MMP16: variants seen among roughly 807,000 people sequenced by gnomAD.
MMP16 encodes matrix metalloproteinase-16.
In MMP16, 12 loss-of-function variants were observed where a neutral mutation model predicts 67.8. That is an observed-to-expected ratio of 0.18 (90% CI 0.11 to 0.29). The LOEUF (loss-of-function observed/expected upper bound fraction) is 0.29, where lower values mean the gene tolerates loss of function less well. Ranked by LOEUF, MMP16 falls within the 10% of genes least tolerant of loss-of-function variation. The probability of loss-of-function intolerance (pLI) is 1.00; values close to 1 mark genes in which losing one functional copy is unlikely to be tolerated. For synonymous variants in MMP16, 249 were observed against 255.9 expected (o/e 0.97, Z 0.26); for missense variants, 475 against 765.7 (o/e 0.62, Z 4.48).
At chr8:88,249,773 G>C (rs1022465508) in intron 1 of MMP16, among the ~76,000 whole-genome samples, 2 of 152,020 alleles carry the variant, frequency 1.3e-5, no homozygotes, top group Non-Finnish European at 2.9e-5. Flanking sequence ...AGACTGCAAG[G>C]GTAGAGGAAA....
intron 1 of MMP16, among the ~76,000 whole-genome samples, chr8:88,307,191 T>C (rs1318402079): frequency 6.6e-6 from 1 of 152,122 alleles, no homozygotes; most frequent in East Asian, 1.9e-4. Flanking sequence ...TGCCCCATAC[T>C]TTCCTGGTGC....
intron 6 of MMP16, among the ~76,000 whole-genome samples, chr8:88,103,683 G>C (rs1379947101): frequency 1.3e-5 from 2 of 151,710 alleles, no homozygotes; most frequent in Non-Finnish European, 2.9e-5. Context: ...TTGTTGAGCT[G>C]ACAAACTTTG....
At chr8:88,211,027 A>G (rs1276314773) in intron 1 of MMP16, among the ~76,000 whole-genome samples, 1 of 152,192 alleles carries the variant, frequency 6.6e-6, no homozygotes, top group African/African-American at 2.4e-5. Context: ...GGGCTACAGA[A>G]TGAGTAGGCA....
intron 4 of MMP16, among the ~76,000 whole-genome samples, chr8:88,158,027 T>C (rs1808544254): frequency 6.6e-6 from 1 of 152,202 alleles, no homozygotes; most frequent in Non-Finnish European, 1.5e-5. Flanking sequence ...CTGCATAGTA[T>C]TCCATGGTGT....
chr8:88,174,638 T>A (rs1808857181), intron 3 of MMP16, among the ~76,000 whole-genome samples: 1 of 152,214 alleles, frequency 6.6e-6, no homozygotes, highest in Admixed American at 6.5e-5. Flanking sequence ...CTTTAACAAT[T>A]TGAGAATAAC....
At position 88,196,259 on chromosome 8, in the gene MMP16, TGTGA is replaced by T. The variant is rs1239456370; in HGVS notation, c.281+895_281+898del. 3.9e-5 allele frequency among the ~76,000 whole-genome samples: 6 copies of T among 152,326 alleles called. No homozygotes were observed. In the East Asian group the frequency reaches 1.2e-3, roughly 29 times the overall value. On this transcript the variant is annotated intron_variant, in intron 2 of 9. Coordinates refer to ENST00000286614, the MANE Select transcript of MMP16 (RefSeq NM_005941.5). ...TAAGTAACAAAAAATATGTAAACTT[TGTGA>T]GTATCAAGGATTCTAAAAACACAAA...
chr8:88,162,562 G>T (rs1386547669), intron 4 of MMP16, among the ~76,000 whole-genome samples: 1 of 152,002 alleles, frequency 6.6e-6, no homozygotes, highest in Non-Finnish European at 1.5e-5. Context: ...GAGGATAGAT[G>T]AATTTAGACA....
intron 8 of MMP16, among the ~76,000 whole-genome samples, chr8:88,050,474 C>T (rs1048957859): frequency 1.3e-5 from 2 of 152,122 alleles, no homozygotes; most frequent in African/African-American, 2.4e-5. Context: ...AATAACTACA[C>T]GTCATGTAGC....
At chr8:88,188,052 G>T (rs778514193) in intron 2 of MMP16, among the ~76,000 whole-genome samples, 1 of 152,160 alleles carries the variant, frequency 6.6e-6, no homozygotes, top group Admixed American at 6.5e-5. Context: ...CACTGAATTT[G>T]AGAGATATTT....
chr8:88,258,447 C>G (rs1252162584), intron 1 of MMP16, among the ~76,000 whole-genome samples: 1 of 152,188 alleles, frequency 6.6e-6, no homozygotes, highest in South Asian at 2.1e-4. Flanking sequence ...TCAGGTCTCT[C>G]CCTGACCTAA....
rs1808216815 is a variant in MMP16 at position 88,047,753 on chromosome 8, G to C, written c.1374-969C>G. Among the ~76,000 whole-genome samples the C allele has an allele frequency of 1.3e-5, 2 of 152,174 alleles. 1 individual carries two copies. Among genetic ancestry groups the C allele is most frequent in the South Asian group, 4.1e-4 (2 of 4,828 alleles). On this transcript the variant is annotated intron_variant, in intron 8 of 9. Coordinates refer to ENST00000286614, the MANE Select transcript of MMP16 (RefSeq NM_005941.5). Reference sequence around the variant, plus strand: ...GAGCCTTTGGCTTTACTCTAAGAGAGATGAGAAATCATATATATTTTGAAC... The same window carrying C: ...GAGCCTTTGGCTTTACTCTAAGAGACATGAGAAATCATATATATTTTGAAC...
In MMP16 at chr8:88,032,855, A is replaced by T. The variant is rs913810259; in HGVS notation, c.*8606T>A. ...TGCACACAGAAGACTACATATTATC[A>T]AGAACTTAATGAAATAGTGTTGAGT... is the stretch of plus-strand genomic sequence containing the variant. On this transcript the variant is annotated 3_prime_UTR_variant, in exon 10 of 10. Transcript: ENST00000286614. 1 of 152,108 alleles carries T rather than the reference A, an allele frequency of 6.6e-6. No homozygotes were observed. Among genetic ancestry groups the T allele is most frequent in the African/African-American group, 2.4e-5 (1 of 41,462 alleles). 9.4% of individuals were successfully genotyped at this position (152,108 alleles called of 1,614,324 possible). A position where few individuals can be genotyped will look rare whatever the true frequency, so the allele number is the denominator to read the frequency against.
intron 4 of MMP16, among the ~76,000 whole-genome samples, chr8:88,147,595 G>A (rs1015630015): frequency 2.0e-5 from 3 of 151,674 alleles, no homozygotes; most frequent in Non-Finnish European, 4.4e-5. Context: ...CTTGGAAAGA[G>A]TTTTGCTGGG....
intron 1 of MMP16, among the ~76,000 whole-genome samples, chr8:88,208,818 C>CAAAAAAAAAAAAAAAAAAAAAAA (rs59898929): frequency 7.7e-6 from 1 of 130,662 alleles, no homozygotes; most frequent in African/African-American, 2.8e-5. Flanking sequence ...GTAGATATGG[C>CAAAAAAAAAAAAAAAAAAAAAAA]AAAAAAAAAA....
At chr8:88,061,557 C>T (rs1466351607) in intron 7 of MMP16, among the ~76,000 whole-genome samples, 1 of 151,914 alleles carries the variant, frequency 6.6e-6, no homozygotes, top group African/African-American at 2.4e-5. Context: ...TAATTTCTTC[C>T]AGGCTTTTTT....
At chr8:88,165,392 C>G (rs765497201) in intron 4 of MMP16, among the ~76,000 whole-genome samples, 1 of 151,832 alleles carries the variant, frequency 6.6e-6, no homozygotes, top group Non-Finnish European at 1.5e-5. Flanking sequence ...TACAGATTTA[C>G]AATTGTTTTA....
intron 4 of MMP16, among the ~76,000 whole-genome samples, chr8:88,125,616 T>C (rs1040000184): frequency 5.9e-5 from 9 of 152,004 alleles, no homozygotes; most frequent in African/African-American, 2.2e-4. Context: ...TTTATTCCTT[T>C]GGGCTAGAGT....
chr8:88,146,212 C>T (rs1452175619), intron 4 of MMP16, among the ~76,000 whole-genome samples: 1 of 151,896 alleles, frequency 6.6e-6, no homozygotes, highest in Non-Finnish European at 1.5e-5. Context: ...GTTCAATATG[C>T]TCAGCAAGAC....
intron 1 of MMP16, among the ~76,000 whole-genome samples, chr8:88,316,794 GAT>G (rs1811381417): frequency 6.6e-6 from 1 of 152,124 alleles, no homozygotes; most frequent in Non-Finnish European, 1.5e-5. Context: ...TGATTCCTCT[GAT>G]AGATCTCAGC....
Sources: allele counts gnomAD v4.1 joint callset (sites outside exome capture counted in the v4.1 genomes callset), GRCh38; gene constraint gnomAD v4.1.1; transcripts MANE v1.5; gene names NCBI Gene and HGNC (gene_info 2026-07-23, HGNC 2026-07-21).